Variants in AGBL3 observed in about 807,000 individuals in gnomAD.
The protein encoded by AGBL3 is AGBL carboxypeptidase 3.
A neutral mutation model predicts 94.5 loss-of-function variants in AGBL3; 68 were observed. The observed-to-expected ratio is 0.72, with a 90% CI of 0.59 to 0.88. The LOEUF is 0.88. AGBL3 is among the 40% of genes least tolerant of loss of function. AGBL3 has a pLI of 0.00. For synonymous variants in AGBL3, 354 were observed against 370.7 expected (o/e 0.95, Z 0.52); for missense variants, 934 against 1,103.8 (o/e 0.85, Z 2.18).
chr7:134,989,425 A>G (rs1809929809), intron 3 of AGBL3, 115 bp downstream of exon 3: 1 of 714,478 alleles, frequency 1.4e-6, no homozygotes, highest in Non-Finnish European at 2.2e-6. Context: ...ATTCTAGTAG[A>G]TTGTGAAAGA....
chr7:135,095,954 T>C (rs1312568687), intron 15 of AGBL3, among the ~76,000 whole-genome samples: 7 of 152,020 alleles, frequency 4.6e-5, no homozygotes, highest in African/African-American at 1.7e-4. Context: ...GAGTTCAAGA[T>C]CAGCCTGGCC....
chr7:135,127,049 A>G (rs1827973228), intron 16 of AGBL3, among the ~76,000 whole-genome samples: 1 of 152,250 alleles, frequency 6.6e-6, no homozygotes, highest in East Asian at 1.9e-4. Context: ...GCTTCTGCAT[A>G]GCAAAAGAAA....
At chr7:135,107,765 A>G (rs1375708615) in intron 15 of AGBL3, among the ~76,000 whole-genome samples, 1 of 152,206 alleles carries the variant, frequency 6.6e-6, no homozygotes, top group East Asian at 1.9e-4. Flanking sequence ...CATCCTGAAT[A>G]TCTTTGTGAA....
chr7:135,017,213 A>T (rs762361272), intron 5 of AGBL3, 54 bp downstream of exon 5: 2 of 1,247,574 alleles, frequency 1.6e-6, no homozygotes, highest in Non-Finnish European at 2.3e-6. Flanking sequence ...ACTTAGGTTA[A>T]TCTCTTAATT....
chr7:135,076,387 C>G lies in AGBL3; in HGVS notation c.1909-10C>G, dbSNP rs1392360206. 1.4e-5 allele frequency: 21 copies of G among 1,518,526 alleles called. No homozygotes were observed. The highest frequency in any genetic ancestry group is 1.8e-5 in the Non-Finnish European group (20 of 1,118,422). 94.1% of individuals were successfully genotyped at this position (1,518,526 alleles called of 1,614,324 possible). On this transcript the variant is annotated splice_polypyrimidine_tract_variant and intron_variant, in intron 12 of 16. Coordinates refer to ENST00000436302, the MANE Select transcript of AGBL3 (RefSeq NM_178563.4). ...TTAAATATTGATTTTAAGTATGATTCTTTTACTAGAAAAAACATTTGAAAA... is the reference window on the plus strand; with the variant it reads ...TTAAATATTGATTTTAAGTATGATTGTTTTACTAGAAAAAACATTTGAAAA...
chr7:135,081,826 T>C, intron 15 of AGBL3, 36 bp downstream of exon 15: 1 of 1,299,452 alleles, frequency 7.7e-7, no homozygotes, highest in Non-Finnish European at 1.1e-6. Context: ...TAATGAGTGG[T>C]CCCCTATGAT....
intron 15 of AGBL3, among the ~76,000 whole-genome samples, chr7:135,101,931 C>T (rs1028980062): frequency 9.8e-5 from 15 of 152,292 alleles, no homozygotes; most frequent in Non-Finnish European, 1.5e-4. Context: ...ATAAGTCTCA[C>T]GAGATCCGTT....
Position 135,005,206 on chromosome 7 carries a change from T to C in AGBL3, c.310+11528T>C, listed in dbSNP as rs190116323. Among the ~76,000 whole-genome samples the C allele has an allele frequency of 6.6e-5, 10 of 151,906 alleles. No individual in the cohort carries two copies. The East Asian group carries it at 1.9e-3, about 29-fold the overall frequency. ...CATTTCACCTGTAAATACTTTAGCA[T>C]TTATATTGTTACCTAGAATTCCTTT... On this transcript the variant is annotated intron_variant, in intron 4 of 16. Transcript: ENST00000436302.
intron 15 of AGBL3, among the ~76,000 whole-genome samples, chr7:135,095,967 C>A (rs1378241049): frequency 8.5e-5 from 13 of 152,118 alleles, no homozygotes; most frequent in Non-Finnish European, 1.8e-4. Context: ...GCCTGGCCAA[C>A]ATGGTGAAAC....
Position 135,124,674 on chromosome 7 carries a change from AG to A in AGBL3, c.2342+9064del, listed in dbSNP as rs1330129068. Among the ~76,000 whole-genome samples, 6 of 152,366 alleles carry A rather than the reference AG, an allele frequency of 3.9e-5. No homozygotes were observed. The South Asian group carries it at 8.3e-4, about 21-fold the overall frequency. On this transcript the variant is annotated intron_variant, in intron 16 of 16. Coordinates refer to ENST00000436302, the MANE Select transcript of AGBL3 (RefSeq NM_178563.4). ...TAAAACAGTCCTCAACAAATGCAAA[AG>A]AACTGAAATCATAGCAAACAGTCTC...
chr7:135,018,219 TC>T (rs1470901398), intron 5 of AGBL3, among the ~76,000 whole-genome samples: 1 of 152,198 alleles, frequency 6.6e-6, no homozygotes, highest in Non-Finnish European at 1.5e-5. Flanking sequence ...ACCTGTAGAA[TC>T]CTTTAGGTAT....
intron 11 of AGBL3, among the ~76,000 whole-genome samples, chr7:135,049,731 CTTTT>C (rs1241007366): frequency 6.6e-6 from 1 of 151,676 alleles, no homozygotes; most frequent in African/African-American, 2.4e-5. Flanking sequence ...TCTTATGATT[CTTTT>C]TATTTCTGTA....
chr7:135,110,202 C>T (rs371091447), intron 15 of AGBL3, among the ~76,000 whole-genome samples: 34 of 152,262 alleles, frequency 2.2e-4, no homozygotes, highest in African/African-American at 7.5e-4. Flanking sequence ...AGGTACAACA[C>T]TGCTACCACT....
intron 4 of AGBL3, among the ~76,000 whole-genome samples, chr7:135,015,299 T>C (rs1051536190): frequency 6.6e-6 from 1 of 152,216 alleles, no homozygotes; most frequent in African/African-American, 2.4e-5. Flanking sequence ...AAAACGTTTA[T>C]GCAGTAGACG....
chr7:135,096,584 CATAG>C (rs71172496), intron 15 of AGBL3, among the ~76,000 whole-genome samples: 6,717 of 88,786 alleles, frequency 0.076, 674 homozygotes, highest in African/African-American at 0.25. Context: ...TAGATAGATA[CATAG>C]ATAGATAGAT....
At chr7:135,126,352 T>C (rs192012321) in intron 16 of AGBL3, among the ~76,000 whole-genome samples, 105 of 152,228 alleles carry the variant, frequency 6.9e-4, no homozygotes, top group African/African-American at 2.4e-3. Context: ...GAAGGACCTC[T>C]TCAAGGAGAA....
At chr7:134,989,714 CTTAATTT>C (rs1809979470) in intron 3 of AGBL3, among the ~76,000 whole-genome samples, 1 of 152,108 alleles carries the variant, frequency 6.6e-6, no homozygotes, top group Non-Finnish European at 1.5e-5. Context: ...TTGATGTATA[CTTAATTT>C]TTAAAGATTT....
intron 4 of AGBL3, among the ~76,000 whole-genome samples, chr7:135,001,031 C>T (rs1033519658): frequency 4.6e-5 from 7 of 152,202 alleles, no homozygotes; most frequent in African/African-American, 1.7e-4. Flanking sequence ...GGATAAAGGG[C>T]AAATTTACAT....
intron 16 of AGBL3, among the ~76,000 whole-genome samples, chr7:135,122,402 C>A (rs971614498): frequency 6.6e-6 from 1 of 152,206 alleles, no homozygotes; most frequent in African/African-American, 2.4e-5. Context: ...GGCCTGAGCC[C>A]CTAGCGGGAG....
Sources: allele counts gnomAD v4.1 joint callset (sites outside exome capture counted in the v4.1 genomes callset), GRCh38; gene constraint gnomAD v4.1.1; transcripts MANE v1.5; gene names NCBI Gene and HGNC (gene_info 2026-07-23, HGNC 2026-07-21).